The following PKHD1L1 variants were observed in gnomAD, a reference collection of about 807,000 sequenced individuals.
PKHD1L1 encodes the protein fibrocystin-L.
A neutral mutation model predicts 462.9 loss-of-function variants in PKHD1L1; 434 were observed. The observed-to-expected ratio is 0.94, with a 90% CI of 0.87 to 1.02. The LOEUF (loss-of-function observed/expected upper bound fraction) is 1.02. Ranked by LOEUF, PKHD1L1 falls within the 50% of genes least tolerant of loss-of-function variation. The probability of loss-of-function intolerance (pLI) is 0.00; values close to 1 mark genes in which losing one functional copy is unlikely to be tolerated. For synonymous variants in PKHD1L1, 1,781 were observed against 1,750.0 expected (o/e 1.02, Z -0.44); for missense variants, 5,202 against 5,096.1 (o/e 1.02, Z -0.63).
chr8:109,466,903 G>T (rs1817471118), intron 50 of PKHD1L1, 134 bp downstream of exon 50: 1 of 809,140 alleles, frequency 1.2e-6, no homozygotes, highest in South Asian at 1.9e-5. Flanking sequence ...GTCCAAGCAG[G>T]AAACAAATAA....
chr8:109,493,529 A>G, intron 62 of PKHD1L1, 132 bp from the exon 63 acceptor site: 1 of 480,266 alleles, frequency 2.1e-6, no homozygotes, highest in Non-Finnish European at 3.5e-6. Flanking sequence ...TAAATAATAA[A>G]TACAAATTTT....
intron 53 of PKHD1L1, among the ~76,000 whole-genome samples, chr8:109,478,778 G>A (rs548528457): frequency 1.4e-4 from 22 of 152,154 alleles, no homozygotes; most frequent in African/African-American, 4.8e-4. Context: ...GGTAAACTAC[G>A]ATAAACTACA....
At chr8:109,442,288 A>G (rs1233070811) in intron 35 of PKHD1L1, 93 bp downstream of exon 35, 27 of 1,197,952 alleles carry the variant, frequency 2.3e-5, no homozygotes, top group Non-Finnish European at 2.7e-5. Context: ...GTATTTTTAC[A>G]TAAATAATAT....
Position 109,522,172 on chromosome 8 carries a change from A to T in PKHD1L1, c.12032-14A>T. ...ACTTTTATAATCCAAATGTCATAAT[A>T]CTTTTCCCCATAGGTCAGATGCAGT... On this transcript the variant is annotated splice_polypyrimidine_tract_variant and intron_variant, in intron 73 of 77. Coordinates refer to ENST00000378402, the MANE Select transcript of PKHD1L1 (RefSeq NM_177531.6). 1 of 1,581,562 alleles carries T rather than the reference A, an allele frequency of 6.3e-7. No individual in the cohort carries two copies. Among genetic ancestry groups the T allele is most frequent in the Admixed American group, 1.7e-5 (1 of 57,950 alleles).
chr8:109,496,075 G>T (rs1244496710), intron 63 of PKHD1L1, among the ~76,000 whole-genome samples: 1 of 152,046 alleles, frequency 6.6e-6, no homozygotes, highest in African/African-American at 2.4e-5. Flanking sequence ...GTTCCTAAAA[G>T]GTTAAACAAC....
In PKHD1L1 at chr8:109,362,670, G is replaced by C. The variant is rs778211750; in HGVS notation, c.73+17G>C. The C allele has an allele frequency of 6.3e-7, 1 of 1,584,788 alleles. No individual in the cohort carries two copies. Among genetic ancestry groups the C allele is most frequent in the Non-Finnish European group, 8.6e-7 (1 of 1,164,966 alleles). The stretch of plus-strand genomic sequence containing the variant: ...CCAGCACAGGTAACCCTTTGGGCAC[G>C]CTAGGCAGGCAAGCAGGAGAGGCCC... On this transcript the variant is annotated intron_variant, in intron 1 of 77. Coordinates refer to ENST00000378402, the MANE Select transcript of PKHD1L1 (RefSeq NM_177531.6).
rs1259250328 is a variant in PKHD1L1 at position 109,426,922 on chromosome 8, A to G, written c.2846-80A>G. On this transcript the variant is annotated intron_variant, in intron 24 of 77. Transcript: ENST00000378402. ...CCCGCTTTGGCCTCCCAAAGTGCTA[A>G]GATTACAGGCGTGAACCACCACATC... The G allele has an allele frequency of 6.3e-5, 51 of 809,934 alleles. 1 individual carries two copies. Among genetic ancestry groups the G allele is most frequent in the South Asian group, 2.9e-4 (19 of 66,266 alleles). The allele number at this position is 809,934 out of a possible 1,614,324, so 50.2% of individuals were successfully genotyped here.
chr8:109,467,917 A>G (rs569508361), intron 50 of PKHD1L1, among the ~76,000 whole-genome samples: 1 of 152,100 alleles, frequency 6.6e-6, no homozygotes, highest in Non-Finnish European at 1.5e-5. Context: ...GTATAGAAAA[A>G]GAGTTTAATA....
intron 30 of PKHD1L1, among the ~76,000 whole-genome samples, chr8:109,437,893 G>A (rs1334664136): frequency 6.6e-6 from 1 of 152,050 alleles, no homozygotes; most frequent in Non-Finnish European, 1.5e-5. Flanking sequence ...CAAGTGCTTA[G>A]TCTTGGATTT....
chr8:109,389,213 T>C (rs1438789786), intron 8 of PKHD1L1, 61 bp downstream of exon 8: 13 of 1,376,340 alleles, frequency 9.4e-6, no homozygotes. Context: ...TTCCCTGTTT[T>C]GTATTCTCCT....
chr8:109,410,441 C>A (rs1287759627), intron 19 of PKHD1L1, among the ~76,000 whole-genome samples: 4 of 152,056 alleles, frequency 2.6e-5, no homozygotes, highest in Non-Finnish European at 4.4e-5. Context: ...AAAGGGGGAA[C>A]AGGCACGTCA....
At chr8:109,366,025 A>T (rs1158996411) in intron 2 of PKHD1L1, among the ~76,000 whole-genome samples, 1 of 152,148 alleles carries the variant, frequency 6.6e-6, no homozygotes, top group African/African-American at 2.4e-5. Flanking sequence ...CTGTTTCCAG[A>T]CCTGAACATT....
rs368111915 is a variant in PKHD1L1, at chr8:109,497,059, T to C, written c.10468T>C (p.Tyr3490His). 6.2e-7 allele frequency: 1 copy of C among 1,613,364 alleles called. No individual in the cohort carries two copies. The highest frequency in any genetic ancestry group is 8.5e-7 in the Non-Finnish European group (1 of 1,179,562). The change falls in exon 64 of 78, where the codon TAT becomes CAT. Residue 3490 changes from tyrosine (Y) to histidine (H), a missense_variant. By Grantham distance (83) the Tyr-to-His change is moderately conservative. Transcript: ENST00000378402. ...TTGGACATGCTGGGATTATGGAATT[T>C]ATTTTCAGGTAATTATGATTAAAGA... Reference protein sequence around the residue: ...TIWTCWDYGIYFQTTESVHIY... With the variant: ...TIWTCWDYGIHFQTTESVHIY...
chr8:109,498,758 T>C lies in PKHD1L1; in HGVS notation c.10815T>C (p.Leu3605=). 1 of 1,611,326 alleles carries C rather than the reference T, an allele frequency of 6.2e-7. No individual in the cohort carries two copies. The highest frequency in any genetic ancestry group is 8.5e-7 in the Non-Finnish European group (1 of 1,177,620). Reference sequence around the variant, plus strand: ...TGAGTTACAATGCCATCAGTGGCCTTTTGGACATCTCAGGCAAGTACACAG... The same window carrying C: ...TGAGTTACAATGCCATCAGTGGCCTCTTGGACATCTCAGGCAAGTACACAG... ...GIMSYNAISG[L]LDISGSTFVG... is the part of the protein sequence containing the mutation. Residue 3605 remains leucine (L), a synonymous_variant, in exon 67 of 78, where the codon CTT becomes CTC. Transcript: ENST00000378402.
intron 29 of PKHD1L1, 100 bp from the exon 30 acceptor site, chr8:109,436,238 G>C: frequency 8.1e-7 from 1 of 1,237,904 alleles, no homozygotes; most frequent in Admixed American, 2.2e-5. Flanking sequence ...TGGATCATTA[G>C]ACTATTCTCA....
At chr8:109,529,195 C>T (rs1480827356) in intron 77 of PKHD1L1, among the ~76,000 whole-genome samples, 1 of 152,036 alleles carries the variant, frequency 6.6e-6, no homozygotes, top group Non-Finnish European at 1.5e-5. Flanking sequence ...CATGAATAGC[C>T]AGAAAACAAG....
At position 109,518,197 on chromosome 8, in the gene PKHD1L1, T is replaced by C. The variant is rs372052960; in HGVS notation, c.11720T>C (p.Val3907Ala). ...TTCCTTCCTAACCTGGATTCCACTGTCCTTGGTGAAAACTACTTTGATGGA... is the reference window on the plus strand; with the variant it reads ...TTCCTTCCTAACCTGGATTCCACTGCCCTTGGTGAAAACTACTTTGATGGA... ...DQFLPNLDST[V>A]LGENYFDGTY... The change falls in exon 73 of 78, where the codon GTC becomes GCC. Residue 3907 changes from valine (V) to alanine (A), a missense_variant. Val to Ala is a moderately conservative substitution (Grantham distance 64). This residue lies in a region of PKHD1L1 where 698 missense variants were observed against 736.3 expected (regional missense o/e 0.95). Coordinates refer to ENST00000378402, the MANE Select transcript of PKHD1L1 (RefSeq NM_177531.6). 1.0e-5 allele frequency: 16 copies of C among 1,605,548 alleles called. No individual in the cohort carries two copies. Among genetic ancestry groups the C allele is most frequent in the Non-Finnish European group, 1.4e-5 (16 of 1,173,204 alleles).
At chr8:109,517,095 C>T (rs1333343657) in intron 72 of PKHD1L1, among the ~76,000 whole-genome samples, 3 of 152,004 alleles carry the variant, frequency 2.0e-5, no homozygotes, top group South Asian at 2.1e-4. Context: ...ATAGACAGAA[C>T]GTAATGTAAA....
In PKHD1L1 at chr8:109,464,453, A is replaced by G; in HGVS notation, c.7621A>G (p.Asn2541Asp). The G allele has an allele frequency of 6.2e-7, 1 of 1,613,714 alleles. No homozygotes were observed. The highest frequency in any genetic ancestry group is 8.5e-7 in the Non-Finnish European group (1 of 1,179,766). The change falls in exon 49 of 78, where the codon AAC (asparagine) becomes GAC (aspartate). Residue 2541 changes from asparagine (N) to aspartate (D), a missense_variant. This residue lies in a region of PKHD1L1 where 4,497 missense variants were observed against 4,336.8 expected (regional missense o/e 1.04). Coordinates refer to ENST00000378402, the MANE Select transcript of PKHD1L1 (RefSeq NM_177531.6). ...GIEHGNILQY[N>D]LAVFVQQSTS... ...TGAACATGGCAATATCCTCCAGTAT[A>G]ACTTGGCAGTATTTGTACAGCAAAG...
Sources: gnomAD v4.1 joint callset for allele counts (sites outside exome capture counted in the v4.1 genomes callset) on GRCh38, gnomAD v4.1.1 for gene constraint, gnomAD v4.1.1 regional missense constraint, MANE v1.5 for transcripts, NCBI Gene and HGNC (gene_info 2026-07-23, HGNC 2026-07-21) for gene names.